LZTR1: variants seen among roughly 807,000 people sequenced by gnomAD.
LZTR1 encodes the protein leucine zipper like post translational regulator 1, also known as leucine-zipper-like transcriptional regulator 1.
In LZTR1, 260 loss-of-function variants were observed where a neutral mutation model predicts 105.7. That is an observed-to-expected ratio of 2.46 (90% CI 2.22 to 2.72). The LOEUF (loss-of-function observed/expected upper bound fraction) is 2.72. Ranked by LOEUF, LZTR1 falls within the 30% of genes most tolerant of loss-of-function variation. The pLI is 0.00. For missense variants in LZTR1, 1,214 were observed against 1,166.9 expected, an observed-to-expected ratio of 1.04 and a Z score of -0.59; for synonymous variants, 490 against 476.4, an observed-to-expected ratio of 1.03 and a Z score of -0.37.
At position 20,994,110 on chromosome 22, in the gene LZTR1, G is replaced by T; in HGVS notation, c.1456G>T (p.Glu486Ter). The T allele has an allele frequency of 1.3e-6, 2 of 1,579,574 alleles. No homozygotes were observed. Among genetic ancestry groups the T allele is most frequent in the Non-Finnish European group, 8.6e-7 (1 of 1,160,788 alleles). ...QARERLAQKL[E>*]QEAAPVPREA... ...AGCTCCCTTCTCCCCACAGAAGCTG[G>T]AGCAGGAGGCCGCCCCAGTTCCCAG... Residue 486 changes from glutamate to a stop codon, truncating the protein, a stop_gained, in exon 14 of 21, where the codon GAG becomes TAG. Coordinates refer to ENST00000646124, the MANE Select transcript of LZTR1 (RefSeq NM_006767.4). LOFTEE classifies it high-confidence loss of function.
Position 20,995,466 on chromosome 22 carries a change from G to A in LZTR1, c.1943-280G>A, listed in dbSNP as rs747095943. On this transcript the variant is annotated intron_variant, in intron 16 of 20. Coordinates refer to ENST00000646124, the MANE Select transcript of LZTR1 (RefSeq NM_006767.4). Reference sequence around the variant, plus strand: ...CACCAGAGGCCATGCAGTGGGCCTGGAGGGGGCTTGATCATGAGGTCAGCG... The same window carrying A: ...CACCAGAGGCCATGCAGTGGGCCTGAAGGGGGCTTGATCATGAGGTCAGCG... 4 of 656,656 alleles carry A rather than the reference G, an allele frequency of 6.1e-6. No individual in the cohort carries two copies. The Admixed American group carries it at 8.4e-5, about 14-fold the overall frequency. 40.7% of individuals were successfully genotyped at this position (656,656 alleles called of 1,614,324 possible).
rs178292 is a variant in LZTR1 at position 20,994,748 on chromosome 22, A to G, written c.1785+21A>G. The G allele has an allele frequency of 0.77, 1,237,940 of 1,609,302 alleles. 479,104 individuals are homozygous for G. Among genetic ancestry groups the G allele is most frequent in the African/African-American group, 0.89 (66,414 of 74,982 alleles). On this transcript the variant is annotated intron_variant, in intron 15 of 20. Transcript: ENST00000646124. The stretch of plus-strand genomic sequence containing the variant: ...TCAAGGTGTGGGGTGGGGTCAGCGC[A>G]ATCAGGGTTGGGTGGGGTGTGCTCA...
At position 20,994,263 on chromosome 22, in the gene LZTR1, CG is replaced by C; in HGVS notation, c.1611del (p.Gly539AlafsTer17). The C allele has an allele frequency of 6.3e-7, 1 of 1,597,836 alleles. No homozygotes were observed. The highest frequency in any genetic ancestry group is 1.1e-5 in the South Asian group (1 of 90,970). ...CTACACCGACAAGATCAAATACCCA[CG>C]GAAAGGTCCGCCTGGGTGGGGGTGG... ...FLYTDKIKYP[R>X]KGHVEDVLLI... On this transcript the variant is annotated frameshift_variant, in exon 14 of 21. Transcript: ENST00000646124. LOFTEE classifies it high-confidence loss of function.
chr22:20,993,322 TG>T, intron 11 of LZTR1: 2 of 460,706 alleles, frequency 4.3e-6, no homozygotes, highest in South Asian at 5.3e-5. Context: ...TGGAGGAGGT[TG>T]GGATGTGCTG....
intron 14 of LZTR1, 25 bp from the exon 15 acceptor site, chr22:20,994,533 G>C: frequency 6.2e-7 from 1 of 1,602,660 alleles, no homozygotes; most frequent in Non-Finnish European, 8.5e-7. Context: ...CCGGCTCCCT[G>C]AGATTCGGGG....
intron 6 of LZTR1, 51 bp downstream of exon 6, chr22:20,988,923 G>C (rs962035678): frequency 6.6e-7 from 1 of 1,516,706 alleles, no homozygotes; most frequent in Non-Finnish European, 9.1e-7. Context: ...ACTGAGACCC[G>C]GAGCAGGCCG....
rs1285251731 is a variant in LZTR1 at position 20,987,512 on chromosome 22, C to T, written c.329C>T (p.Thr110Ile). The change falls in exon 4 of 21, where the codon ACC (threonine) becomes ATC (isoleucine). Residue 110 changes from threonine to isoleucine, a missense_variant. Transcript: ENST00000646124. ...CCCTGTGCCCACCCCAGGGCCTTTA[C>T]CACTGGGACCCCACCGGCCCCCCGT... ...VKDCSWCRAF[T>I]TGTPPAPRYH... 2.5e-6 allele frequency: 4 copies of T among 1,612,740 alleles called. No homozygotes were observed. The highest frequency in any genetic ancestry group is 3.4e-6 in the Non-Finnish European group (4 of 1,178,858).
rs748242691 is a variant in LZTR1, at chr22:20,990,495, A to G, written c.761A>G (p.Asn254Ser). The change falls in exon 8 of 21, where the codon AAC (asparagine) becomes AGC (serine). Residue 254 changes from asparagine to serine, a missense_variant. Asn to Ser is a conservative substitution (Grantham distance 46). Coordinates refer to ENST00000646124, the MANE Select transcript of LZTR1 (RefSeq NM_006767.4). ...CAAAGCGGAGCCAAAATAACCAACA[A>G]CCTCTTCCAGTTTGAATTCAAGGAC... ...SGQSGAKITNNLFQFEFKDKT... is the reference protein window; with the variant it reads ...SGQSGAKITNSLFQFEFKDKT... 14 of 1,613,140 alleles carry G rather than the reference A, an allele frequency of 8.7e-6. No homozygotes were observed. Among genetic ancestry groups the G allele is most frequent in the Non-Finnish European group, 1.2e-5 (14 of 1,179,520 alleles).
At position 20,982,343 on chromosome 22, in the gene LZTR1, C is replaced by T; in HGVS notation, c.-29C>T. ...GGGCGGTGGCCGCAAGTTGGGCTTA[C>T]AGCGCGGCCGATCCGGCGTGGACCC... is the stretch of plus-strand genomic sequence containing the variant. On this transcript the variant is annotated 5_prime_UTR_variant, in exon 1 of 21. Transcript: ENST00000646124. The T allele has an allele frequency of 1.3e-6, 2 of 1,526,930 alleles. No homozygotes were observed. The highest frequency in any genetic ancestry group is 1.8e-6 in the Non-Finnish European group (2 of 1,132,558). The allele number at this position is 1,526,930 out of a possible 1,614,324, so 94.6% of individuals were successfully genotyped here.
chr22:20,996,008 G>A lies in LZTR1; in HGVS notation c.2115G>A (p.Gln705=). The A allele has an allele frequency of 6.2e-7, 1 of 1,613,732 alleles. No homozygotes were observed. ...MFRSFMPEDG[Q]VNISIGEMVP... is the part of the protein sequence containing the mutation. ...GGTCCTTCATGCCCGAAGATGGGCAGGTGAACATCTCCATCGGGGAGATGG... is the reference window on the plus strand; with the variant it reads ...GGTCCTTCATGCCCGAAGATGGGCAAGTGAACATCTCCATCGGGGAGATGG... Residue 705 remains glutamine (Q), a synonymous_variant, in exon 18 of 21, where the codon CAG becomes CAA. Coordinates refer to ENST00000646124, the MANE Select transcript of LZTR1 (RefSeq NM_006767.4).
intron 18 of LZTR1, 179 bp from the exon 19 acceptor site, chr22:20,996,517 G>A (rs1251022202): frequency 6.5e-6 from 4 of 615,140 alleles, no homozygotes; most frequent in African/African-American, 5.6e-5. Flanking sequence ...TCTCGGGAGG[G>A]GATTCATGGT....
intron 16 of LZTR1, chr22:20,995,338 C>T (rs1417480143): frequency 3.2e-6 from 2 of 632,180 alleles, no homozygotes; most frequent in Middle Eastern, 2.5e-4. Flanking sequence ...TGATCAGTCT[C>T]TGGACTTCTC....
At chr22:20,988,366 A>G (rs1924477719) in intron 5 of LZTR1, among the ~76,000 whole-genome samples, 1 of 152,202 alleles carries the variant, frequency 6.6e-6, no homozygotes, top group South Asian at 2.1e-4. Context: ...GTACTTTGGG[A>G]AGCCGAGGTG....
At chr22:20,990,303 A>T (rs55660821) in intron 7 of LZTR1, 83 bp from the exon 8 acceptor site, 61 of 1,462,994 alleles carry the variant, frequency 4.2e-5, no homozygotes, top group East Asian at 6.8e-5. Flanking sequence ...GAATAAAAGC[A>T]GTCCCATCTC....
At position 20,988,127 on chromosome 22, in the gene LZTR1, CTT is replaced by C; in HGVS notation, c.509+11_509+12del. 1 of 1,578,254 alleles carries C rather than the reference CTT, an allele frequency of 6.3e-7. No individual in the cohort carries two copies. Among genetic ancestry groups the C allele is most frequent in the Admixed American group, 1.7e-5 (1 of 59,906 alleles). ...TGGAAAATTGAAGGACGGTGAGAAA[CTT>C]TGCAGAAACATTTGGGACAGGCTGG... is the stretch of plus-strand genomic sequence containing the variant. On this transcript the variant is annotated intron_variant, in intron 5 of 20. Coordinates refer to ENST00000646124, the MANE Select transcript of LZTR1 (RefSeq NM_006767.4).
rs1036531266 is a variant in LZTR1, at chr22:20,996,873, C to G, written c.2326-13C>G. 6.2e-7 allele frequency: 1 copy of G among 1,611,484 alleles called. No homozygotes were observed. Among genetic ancestry groups the G allele is most frequent in the South Asian group, 1.1e-5 (1 of 91,026 alleles). On this transcript the variant is annotated splice_polypyrimidine_tract_variant and intron_variant, in intron 19 of 20. Coordinates refer to ENST00000646124, the MANE Select transcript of LZTR1 (RefSeq NM_006767.4). ...GTGAAAGGGGCAGCGCCTCAAGGTC[C>G]CTGCCATTGCAGATCCTGGAGGCAG...
intron 16 of LZTR1, 22 bp downstream of exon 16, chr22:20,995,048 C>T: frequency 6.3e-7 from 1 of 1,593,796 alleles, no homozygotes. Context: ...CGTTCCCCTT[C>T]CCTGGGGGCT....
Position 20,987,520 on chromosome 22 carries a change from A to AC in LZTR1, c.341dup (p.Pro115ThrfsTer31). 1 of 1,613,538 alleles carries AC rather than the reference A, an allele frequency of 6.2e-7. No homozygotes were observed. The highest frequency in any genetic ancestry group is 8.5e-7 in the Non-Finnish European group (1 of 1,179,634). On this transcript the variant is annotated frameshift_variant, in exon 4 of 21. Coordinates refer to ENST00000646124, the MANE Select transcript of LZTR1 (RefSeq NM_006767.4). LOFTEE classifies it high-confidence loss of function. ...CCACCCCAGGGCCTTTACCACTGGGACCCCACCGGCCCCCCGTTACCACCA... is the reference window on the plus strand; with the variant it reads ...CCACCCCAGGGCCTTTACCACTGGGACCCCCACCGGCCCCCCGTTACCACCA...
Position 20,988,798 on chromosome 22 carries a change from C to G in LZTR1, c.519C>G (p.Val173=). The part of the protein sequence containing the change: ...TEWKIEGRLP[V]ARSAHGATVY... The stretch of plus-strand genomic sequence containing the variant: ...TTCCCTCACACTCCAGGTTGCCAGT[C>G]GCTAGGTCAGCCCATGGGGCCACGG... The change falls in exon 6 of 21, where the codon GTC becomes GTG. Residue 173 remains valine, a synonymous_variant. Coordinates refer to ENST00000646124, the MANE Select transcript of LZTR1 (RefSeq NM_006767.4). The G allele has an allele frequency of 6.2e-7, 1 of 1,613,882 alleles. No homozygotes were observed. The highest frequency in any genetic ancestry group is 1.7e-4 in the Middle Eastern group (1 of 6,056).
Sources: gnomAD v4.1 joint callset for allele counts (sites outside exome capture counted in the v4.1 genomes callset) on GRCh38, gnomAD v4.1.1 for gene constraint, MANE v1.5 for transcripts, NCBI Gene and HGNC (gene_info 2026-07-23, HGNC 2026-07-21) for gene names.